CRPPA: variants seen among roughly 807,000 people sequenced by gnomAD.
CRPPA encodes the protein CDP-L-ribitol pyrophosphorylase A.
A neutral mutation model predicts 52.0 loss-of-function variants in CRPPA; 43 were observed. That is an observed-to-expected ratio of 0.83 (90% confidence interval 0.65 to 1.07). The LOEUF is 1.07. Among genes scored for constraint, CRPPA ranks in the 50% least tolerant of loss-of-function variants. CRPPA has a pLI of 0.00. For missense variants in CRPPA, 629 were observed against 551.7 expected (o/e 1.14, Z -1.40); for synonymous variants, 250 against 203.5 (o/e 1.23, Z -1.94).
chr7:16,376,349 G>C, intron 2 of CRPPA, 108 bp from the exon 3 acceptor site: 1 of 1,085,788 alleles, frequency 9.2e-7, no homozygotes, highest in Non-Finnish European at 1.3e-6. Flanking sequence ...CCTTCAACAA[G>C]CTACCTTAAG....
chr7:16,375,024 T>C (rs950090948), intron 3 of CRPPA, among the ~76,000 whole-genome samples: 12 of 152,178 alleles, frequency 7.9e-5, no homozygotes, highest in Admixed American at 2.0e-4. Flanking sequence ...TTTTTAGAAA[T>C]CCTAGGCAAC....
At chr7:16,343,872 G>A (rs2128306564) in intron 3 of CRPPA, among the ~76,000 whole-genome samples, 1 of 152,296 alleles carries the variant, frequency 6.6e-6, no homozygotes, top group African/African-American at 2.4e-5. Flanking sequence ...GTTATCAATA[G>A]CACCTCTGAG....
intron 6 of CRPPA, among the ~76,000 whole-genome samples, chr7:16,272,117 A>T (rs1784102505): frequency 6.6e-6 from 1 of 152,164 alleles, no homozygotes; most frequent in Non-Finnish European, 1.5e-5. Context: ...CAAAGCTGGT[A>T]AGGTCTGTGA....
At chr7:16,297,662 T>C (rs1475011639) in intron 5 of CRPPA, among the ~76,000 whole-genome samples, 1 of 152,220 alleles carries the variant, frequency 6.6e-6, no homozygotes, top group Non-Finnish European at 1.5e-5. Flanking sequence ...ACAATTGTTT[T>C]TATATAAATT....
At chr7:16,092,397 T>C (rs1208637883) in intron 9 of CRPPA, among the ~76,000 whole-genome samples, 1 of 152,218 alleles carries the variant, frequency 6.6e-6, no homozygotes, top group Non-Finnish European at 1.5e-5. Context: ...CTTTCAGGTC[T>C]CTGTGTTGTG....
intron 9 of CRPPA, among the ~76,000 whole-genome samples, chr7:16,106,944 T>A (rs527385368): frequency 1.3e-5 from 2 of 152,134 alleles, no homozygotes; most frequent in African/African-American, 4.8e-5. Flanking sequence ...TTTTAAAAAT[T>A]AGATAAAAAT....
chr7:16,221,268 TCCTTACA>T (rs1332380701), intron 8 of CRPPA, among the ~76,000 whole-genome samples: 1 of 152,144 alleles, frequency 6.6e-6, no homozygotes, highest in Non-Finnish European at 1.5e-5. Context: ...CTGGATGCCT[TCCTTACA>T]CCTTATACAA....
intron 9 of CRPPA, among the ~76,000 whole-genome samples, chr7:16,152,141 T>A (rs1226284372): frequency 6.6e-6 from 1 of 151,948 alleles, no homozygotes. Flanking sequence ...AACTCTGCAT[T>A]TTAAAAGTGT....
At chr7:16,303,484 A>AAAAAAAAAAAAAAAAAAAAAAAAG (rs1784835383) in intron 4 of CRPPA, among the ~76,000 whole-genome samples, 1 of 141,866 alleles carries the variant, frequency 7.0e-6, no homozygotes, top group East Asian at 2.0e-4. Context: ...TAGTAAAAAA[A>AAAAAAAAAAAAAAAAAAAAAAAAG]AAAAAAAAAA....
At chr7:16,175,818 TG>T (rs1235193638) in intron 9 of CRPPA, among the ~76,000 whole-genome samples, 2 of 152,180 alleles carry the variant, frequency 1.3e-5, no homozygotes, top group African/African-American at 4.8e-5. Context: ...AAGATTATTA[TG>T]GAATGCAGAG....
chr7:16,101,932 T>G (rs1338791629), intron 9 of CRPPA, among the ~76,000 whole-genome samples: 1 of 152,128 alleles, frequency 6.6e-6, no homozygotes, highest in East Asian at 1.9e-4. Context: ...CCATTGAATT[T>G]TTTCACAGAA....
intron 6 of CRPPA, among the ~76,000 whole-genome samples, chr7:16,276,191 G>T (rs1245631448): frequency 6.6e-6 from 1 of 152,018 alleles, no homozygotes; most frequent in Admixed American, 6.6e-5. Context: ...AGCTGTGGAT[G>T]GCCAAAGAAC....
At chr7:16,101,158 C>A (rs1782035915) in intron 9 of CRPPA, among the ~76,000 whole-genome samples, 1 of 152,100 alleles carries the variant, frequency 6.6e-6, no homozygotes, top group African/African-American at 2.4e-5. Context: ...CAGGATGATG[C>A]TGGCCTCATA....
At chr7:16,104,059 T>C (rs1160423592) in intron 9 of CRPPA, among the ~76,000 whole-genome samples, 1 of 152,220 alleles carries the variant, frequency 6.6e-6, no homozygotes, top group Admixed American at 6.5e-5. Context: ...CCCTGGTTAA[T>C]GACTATTAGG....
At position 16,303,477 on chromosome 7, in the gene CRPPA, T is replaced by TAAAAAAAAAAAAAAAA. The variant is rs545663821; in HGVS notation, c.790-2027_790-2012dup. Among the ~76,000 whole-genome samples, 205 of 44,966 alleles carry TAAAAAAAAAAAAAAAA rather than the reference T, an allele frequency of 4.6e-3. 22 individuals carry two copies. The highest frequency in any genetic ancestry group is 0.015 in the African/African-American group (178 of 12,074). 29.5% of individuals were successfully genotyped at this position (44,966 alleles called of 152,430 possible). On this transcript the variant is annotated intron_variant, in intron 4 of 9. Transcript: ENST00000407010. ...GTTTCTGTGTTGAGACATAAAATAG[T>TAAAAAAAAAAAAAAAA]AAAAAAAAAAAAAAAAAAAAAAAAA...
intron 5 of CRPPA, among the ~76,000 whole-genome samples, chr7:16,293,214 C>T (rs1186725854): frequency 6.6e-6 from 1 of 151,912 alleles, no homozygotes; most frequent in Non-Finnish European, 1.5e-5. Flanking sequence ...AAACACTCAA[C>T]ACCATGCAAT....
Position 16,132,581 on chromosome 7 carries a change from T to C in CRPPA, c.1252-40782A>G, listed in dbSNP as rs1782699348. ...AAAAAGAGATTGAGTAAATGATTTC[T>C]TCATATGAAACTAAAGTCTATAGTA... On this transcript the variant is annotated intron_variant, in intron 9 of 9. Coordinates refer to ENST00000407010, the MANE Select transcript of CRPPA (RefSeq NM_001101426.4). 1.6e-5 allele frequency among the ~76,000 whole-genome samples: 2 copies of C among 124,828 alleles called. 1 individual carries two copies. Among genetic ancestry groups the C allele is most frequent in the Non-Finnish European group, 3.6e-5 (2 of 54,802 alleles). 81.9% of individuals were successfully genotyped at this position (124,828 alleles called of 152,430 possible).
intron 8 of CRPPA, among the ~76,000 whole-genome samples, chr7:16,239,559 CAAAAA>C (rs751232682): frequency 4.2e-5 from 2 of 47,618 alleles, no homozygotes; most frequent in Admixed American, 2.7e-4. Context: ...AAGTCAATAG[CAAAAA>C]AAAAAAAAAA....
chr7:16,269,426 T>C (rs1388420774), intron 6 of CRPPA: 1 of 152,140 alleles, frequency 6.6e-6, no homozygotes, highest in Non-Finnish European at 1.5e-5. Context: ...AGAAGACTAA[T>C]CGTTTCAAGA....
Sources: allele counts gnomAD v4.1 joint callset (sites outside exome capture counted in the v4.1 genomes callset), GRCh38; gene constraint gnomAD v4.1.1; transcripts MANE v1.5; gene names NCBI Gene and HGNC (gene_info 2026-07-23, HGNC 2026-07-21).